Variants in LGALS9 observed in about 807,000 individuals in gnomAD.
LGALS9 encodes the protein galectin 9.
In LGALS9, 26 loss-of-function variants were observed where a neutral mutation model predicts 35.9. The ratio of observed to expected loss-of-function variants is 0.72; its 90% confidence interval spans 0.53 to 1.01. The LOEUF (loss-of-function observed/expected upper bound fraction) is 1.01, where lower values mean the gene tolerates loss of function less well. Ranked by LOEUF, LGALS9 falls within the 50% of genes least tolerant of loss-of-function variation. The pLI, the probability that LGALS9 is intolerant of heterozygous loss-of-function variation, is 0.00. For synonymous variants in LGALS9, 149 were observed against 172.2 expected (o/e 0.87, Z 1.06); for missense variants, 347 against 445.8 (o/e 0.78, Z 1.99).
At chr17:27,636,523 A>G (rs1011793465) in intron 1 of LGALS9, among the ~76,000 whole-genome samples, 5 of 152,118 alleles carry the variant, frequency 3.3e-5, no homozygotes, top group African/African-American at 1.2e-4. Context: ...AGGCTGGAGT[A>G]CAGTGGTGTG....
chr17:27,640,322 A>G lies in LGALS9; in HGVS notation c.132-250A>G, dbSNP rs936713000. Reference sequence around the variant, plus strand: ...CCTATGTTTCTTGTTTGCTAATACCAGCACTTTTCCTTAACCGTTTTCTAT... The same window carrying G: ...CCTATGTTTCTTGTTTGCTAATACCGGCACTTTTCCTTAACCGTTTTCTAT... On this transcript the variant is annotated intron_variant, in intron 2 of 10. Transcript: ENST00000395473. The G allele has an allele frequency of 5.2e-6, 3 of 576,038 alleles. No individual in the cohort carries two copies. In the African/African-American group the frequency reaches 5.6e-5, roughly 11 times the overall value. 35.7% of individuals were successfully genotyped at this position (576,038 alleles called of 1,614,324 possible). A position where few individuals can be genotyped will look rare whatever the true frequency, so the allele number is the denominator to read the frequency against.
intron 1 of LGALS9, among the ~76,000 whole-genome samples, chr17:27,636,335 CA>C (rs2074450937): frequency 6.6e-6 from 1 of 152,220 alleles, no homozygotes; most frequent in African/African-American, 2.4e-5. Context: ...TCTGCTCCAA[CA>C]ATGATCAACT....
At chr17:27,646,702 A>C in intron 8 of LGALS9, 114 bp downstream of exon 8, 1 of 1,535,728 alleles carries the variant, frequency 6.5e-7, no homozygotes, top group East Asian at 2.3e-5. Flanking sequence ...GTCATTTGTT[A>C]AGCTGAAGGG....
chr17:27,646,688 AG>A, intron 8 of LGALS9, 100 bp downstream of exon 8: 1 of 1,578,686 alleles, frequency 6.3e-7, no homozygotes, highest in African/African-American at 1.3e-5. Context: ...AAAAATTAAA[AG>A]CAGTCATTTG....
chr17:27,640,779 C>A lies in LGALS9; in HGVS notation c.333+6C>A, dbSNP rs768605377. The A allele has an allele frequency of 1.2e-6, 2 of 1,613,812 alleles. No homozygotes were observed. Among genetic ancestry groups the A allele is most frequent in the Non-Finnish European group, 1.7e-6 (2 of 1,179,810 alleles). ...TGCAGAGCTCAGATTTCAAGGTGAGCAAGAATCCCCTCCCCACCTCTCACC... is the reference window on the plus strand; with the variant it reads ...TGCAGAGCTCAGATTTCAAGGTGAGAAAGAATCCCCTCCCCACCTCTCACC... On this transcript the variant is annotated splice_donor_region_variant and intron_variant, in intron 3 of 10. Coordinates refer to ENST00000395473, the MANE Select transcript of LGALS9 (RefSeq NM_009587.3).
chr17:27,645,692 C>T (rs1475991880), intron 6 of LGALS9, 169 bp from the exon 7 acceptor site: 36 of 623,262 alleles, frequency 5.8e-5, no homozygotes, highest in South Asian at 8.1e-5. Context: ...CTTTGCCCCT[C>T]GCTCATCCCC....
chr17:27,640,369 G>A, intron 2 of LGALS9: 1 of 798,888 alleles, frequency 1.3e-6, no homozygotes. Flanking sequence ...AAATCATGCT[G>A]TAAAGGCAAA....
At chr17:27,640,926 C>A in intron 3 of LGALS9, 153 bp downstream of exon 3, 1 of 1,207,902 alleles carries the variant, frequency 8.3e-7, no homozygotes, top group Non-Finnish European at 1.2e-6. Context: ...TTACCCATGG[C>A]TGCCTAGTCT....
At chr17:27,634,428 G>T (rs2074421429) in intron 1 of LGALS9, among the ~76,000 whole-genome samples, 1 of 152,154 alleles carries the variant, frequency 6.6e-6, no homozygotes, top group Admixed American at 6.5e-5. Context: ...GTGCATGCCT[G>T]TAGTCCTAGC....
At chr17:27,644,065 C>A in intron 5 of LGALS9, 1 of 160,720 alleles carries the variant, frequency 6.2e-6, no homozygotes, top group Non-Finnish European at 1.4e-5. Flanking sequence ...CCCCAGTCTG[C>A]CCCAATCCAC....
In LGALS9 at chr17:27,646,162, C is replaced by T. The variant is rs1414401855; in HGVS notation, c.627+251C>T. Among the ~76,000 whole-genome samples, 10 of 152,182 alleles carry T rather than the reference C, an allele frequency of 6.6e-5. No homozygotes were observed. In the South Asian group the frequency reaches 8.3e-4, roughly 13 times the overall value. On this transcript the variant is annotated intron_variant, in intron 7 of 10. Transcript: ENST00000395473. ...CTAGAGACCGGGAGGGAAACTGGTCCATCTGTCACCAAGTGGGGAGTACAG... is the reference window on the plus strand; with the variant it reads ...CTAGAGACCGGGAGGGAAACTGGTCTATCTGTCACCAAGTGGGGAGTACAG...
In LGALS9 at chr17:27,647,268, AG is replaced by A. The variant is rs1158392581; in HGVS notation, c.759del. On this transcript the variant is annotated splice_acceptor_variant, in intron 9 of 10. Transcript: ENST00000395473. LOFTEE classifies it high-confidence loss of function. ...AAGGTTCAGGTGGGCTGCCCACCCC[AG>A]GTTCCACATCAACCTGTGCTCTGGG... 6.2e-7 allele frequency: 1 copy of A among 1,613,888 alleles called. No homozygotes were observed. The highest frequency in any genetic ancestry group is 2.2e-5 in the East Asian group (1 of 44,876).
chr17:27,646,672 G>A, intron 8 of LGALS9, 84 bp downstream of exon 8: 1 of 1,597,716 alleles, frequency 6.3e-7, no homozygotes, highest in South Asian at 1.1e-5. Context: ...GGATCCACTG[G>A]CCTTGAAAAA....
chr17:27,638,687 T>A (rs2074482098), intron 2 of LGALS9: 1 of 383,602 alleles, frequency 2.6e-6, no homozygotes, highest in Non-Finnish European at 5.0e-6. Flanking sequence ...CTTCCTCCAT[T>A]TCCCGTAACT....
intron 1 of LGALS9, among the ~76,000 whole-genome samples, chr17:27,634,975 C>T (rs1475380741): frequency 6.6e-6 from 1 of 152,160 alleles, no homozygotes; most frequent in Non-Finnish European, 1.5e-5. Flanking sequence ...AGAGTTCTGT[C>T]TTCCTCTTTT....
intron 2 of LGALS9, among the ~76,000 whole-genome samples, chr17:27,639,756 G>C (rs1241426050): frequency 6.6e-6 from 1 of 151,818 alleles, no homozygotes; most frequent in Non-Finnish European, 1.5e-5. Flanking sequence ...TTATTATTTT[G>C]AGATGGAGTC....
At chr17:27,631,443 G>A (rs2074392079) in intron 1 of LGALS9, 139 bp downstream of exon 1, 1 of 1,177,390 alleles carries the variant, frequency 8.5e-7, no homozygotes, top group African/African-American at 1.5e-5. Context: ...AGAAATATCA[G>A]AGGAGGTCAT....
intron 1 of LGALS9, among the ~76,000 whole-genome samples, chr17:27,635,502 G>A (rs149395134): frequency 5.1e-4 from 77 of 151,798 alleles, no homozygotes; most frequent in African/African-American, 1.7e-3. Flanking sequence ...TTGTTTTTCC[G>A]AATTTTGGGG....
Position 27,649,393 on chromosome 17 carries a change from C to G in LGALS9, c.*411C>G, listed in dbSNP as rs1310860110. ...TCAGCCCCTCCTCTCTGACCTTTAA[C>G]CTCACTCTCACCTTGCACCGTGCAC... On this transcript the variant is annotated 3_prime_UTR_variant, in exon 11 of 11. Transcript: ENST00000395473. 1.3e-5 allele frequency: 4 copies of G among 306,492 alleles called. No homozygotes were observed. The East Asian group carries it at 3.1e-4, about 24-fold the overall frequency. The allele number at this position is 306,492 out of a possible 1,614,324, so 19.0% of individuals were successfully genotyped here.
Sources: gnomAD v4.1 joint callset for allele counts (sites outside exome capture counted in the v4.1 genomes callset) on GRCh38, gnomAD v4.1.1 for gene constraint, MANE v1.5 for transcripts, NCBI Gene and HGNC (gene_info 2026-07-23, HGNC 2026-07-21) for gene names.